The following HACD1 variants were observed in gnomAD, a reference collection of about 807,000 sequenced individuals.
HACD1 encodes the protein 3-hydroxyacyl-CoA dehydratase 1.
Under a neutral mutation model 32.0 loss-of-function variants are expected in HACD1, and 41 were observed. The observed-to-expected ratio is 1.28, with a 90% CI of 1.00 to 1.66. HACD1 has a LOEUF of 1.66. Ranked by LOEUF, HACD1 falls within the 40% of genes most tolerant of loss-of-function variation. HACD1 has a pLI of 0.00. For synonymous variants in HACD1, 142 were observed against 139.0 expected (o/e 1.02, Z -0.15); for missense variants, 396 against 380.1 (o/e 1.04, Z -0.35).
intron 4 of HACD1, among the ~76,000 whole-genome samples, chr10:17,602,363 G>A (rs1414664164): frequency 1.2e-4 from 18 of 151,904 alleles, no homozygotes; most frequent in Non-Finnish European, 1.5e-5. Context: ...GTGCCACCTC[G>A]CCCGGCCCTG....
At position 17,617,355 on chromosome 10, in the gene HACD1, G is replaced by T; in HGVS notation, c.-16C>A. On this transcript the variant is annotated 5_prime_UTR_variant, in exon 1 of 7. Coordinates refer to ENST00000361271, the MANE Select transcript of HACD1 (RefSeq NM_014241.4). ...GGCGCCCCATGTGCAGCGCGCAGGG[G>T]GCTCGGCGCAGCCAGCTCTACCGAC... The T allele has an allele frequency of 7.4e-7, 1 of 1,352,482 alleles. No individual in the cohort carries two copies. Among genetic ancestry groups the T allele is most frequent in the Non-Finnish European group, 9.4e-7 (1 of 1,058,316 alleles). The allele number at this position is 1,352,482 out of a possible 1,614,324, so 83.8% of individuals were successfully genotyped here. A position where few individuals can be genotyped will look rare whatever the true frequency, so the allele number is the denominator to read the frequency against.
At chr10:17,607,715 TATC>T (rs1296641746) in intron 1 of HACD1, among the ~76,000 whole-genome samples, 4 of 152,160 alleles carry the variant, frequency 2.6e-5, no homozygotes, top group Non-Finnish European at 4.4e-5. Context: ...CCTAGCATAG[TATC>T]ATGATCGTGC....
At chr10:17,616,775 G>A (rs890861149) in intron 1 of HACD1, among the ~76,000 whole-genome samples, 3 of 151,900 alleles carry the variant, frequency 2.0e-5, no homozygotes, top group East Asian at 3.9e-4. Flanking sequence ...CAACAGCAGC[G>A]AAGGCAGCGG....
intron 5 of HACD1, among the ~76,000 whole-genome samples, chr10:17,598,751 T>TA (rs1834028448): frequency 6.6e-6 from 1 of 152,190 alleles, no homozygotes; most frequent in African/African-American, 2.4e-5. Context: ...TCTTTTCCTT[T>TA]AAAAACTGTT....
In HACD1 at chr10:17,616,578, C is replaced by T. The variant is rs1726529787; in HGVS notation, c.257+505G>A. On this transcript the variant is annotated intron_variant, in intron 1 of 6. Coordinates refer to ENST00000361271, the MANE Select transcript of HACD1 (RefSeq NM_014241.4). ...AAAGATGCTGGGCAGGAGCTCCACG[C>T]TGGGATAAGTGGGGTGGTTATTTCA... 2.0e-5 allele frequency among the ~76,000 whole-genome samples: 3 copies of T among 150,630 alleles called. No homozygotes were observed. The South Asian group carries it at 6.3e-4, about 32-fold the overall frequency.
intron 5 of HACD1, 140 bp downstream of exon 5, chr10:17,599,150 T>G: frequency 1.5e-6 from 2 of 1,308,098 alleles, no homozygotes; most frequent in East Asian, 2.6e-5. Flanking sequence ...ACTTGTATAA[T>G]TATTAGTTAT....
intron 5 of HACD1, 67 bp downstream of exon 5, chr10:17,599,223 T>C (rs1554816255): frequency 6.3e-7 from 1 of 1,576,288 alleles, no homozygotes; most frequent in East Asian, 2.3e-5. Context: ...ATTTTAATTC[T>C]CTGGCGTTAG....
At chr10:17,593,224 C>T (rs1376065961) in intron 6 of HACD1, among the ~76,000 whole-genome samples, 3 of 152,042 alleles carry the variant, frequency 2.0e-5, no homozygotes, top group African/African-American at 2.4e-5. Flanking sequence ...AAGTTTTATG[C>T]GCATCTCCTT....
intron 5 of HACD1, among the ~76,000 whole-genome samples, chr10:17,597,757 C>T (rs1206411193): frequency 1.3e-5 from 2 of 152,122 alleles, no homozygotes; most frequent in Non-Finnish European, 2.9e-5. Flanking sequence ...AAACTGCCAA[C>T]CTTTAAAAAG....
intron 5 of HACD1, 184 bp downstream of exon 5, chr10:17,599,106 C>T: frequency 9.2e-7 from 1 of 1,086,962 alleles, no homozygotes; most frequent in Non-Finnish European, 1.2e-6. Flanking sequence ...TACGATTCCT[C>T]TCTCATCATT....
At chr10:17,609,915 A>G (rs1245869947) in intron 1 of HACD1, among the ~76,000 whole-genome samples, 1 of 150,834 alleles carries the variant, frequency 6.6e-6, no homozygotes, top group Non-Finnish European at 1.5e-5. Context: ...ATCCGCAGGC[A>G]GAGGTTGCAG....
chr10:17,591,783 C>A (rs74933797), intron 6 of HACD1, among the ~76,000 whole-genome samples: 2,564 of 95,938 alleles, frequency 0.027, 70 homozygotes, highest in African/African-American at 0.072. Context: ...GATAAAAAGT[C>A]TTTCTATTTA....
intron 1 of HACD1, among the ~76,000 whole-genome samples, chr10:17,613,234 A>G (rs957052281): frequency 6.6e-6 from 1 of 151,442 alleles, no homozygotes; most frequent in African/African-American, 2.4e-5. Flanking sequence ...CAGTCTCCTG[A>G]GTAGCTGGGA....
intron 4 of HACD1, chr10:17,603,179 C>T (rs552528712): frequency 5.8e-5 from 10 of 172,048 alleles, no homozygotes; most frequent in South Asian, 4.4e-4. Flanking sequence ...TGGGCCACTG[C>T]GGCTGGCCAG....
intron 5 of HACD1, among the ~76,000 whole-genome samples, chr10:17,597,875 CA>C (rs1834014742): frequency 6.6e-6 from 1 of 152,090 alleles, no homozygotes; most frequent in African/African-American, 2.4e-5. Flanking sequence ...CACTTAAGCT[CA>C]AATTATAATT....
chr10:17,611,588 A>G (rs1183846820), intron 1 of HACD1, among the ~76,000 whole-genome samples: 1 of 152,258 alleles, frequency 6.6e-6, no homozygotes, highest in Non-Finnish European at 1.5e-5. Context: ...ATTTATATAT[A>G]CGGGCACAAA....
At chr10:17,603,405 G>T in intron 4 of HACD1, 155 bp downstream of exon 4, 1 of 626,158 alleles carries the variant, frequency 1.6e-6, no homozygotes, top group Non-Finnish European at 2.7e-6. Flanking sequence ...TTCTGCTAAG[G>T]CACTAAGTCA....
At chr10:17,603,533 A>G (rs779346748) in intron 4 of HACD1, 27 bp downstream of exon 4, 57 of 1,549,956 alleles carry the variant, frequency 3.7e-5, no homozygotes, top group Non-Finnish European at 4.9e-5. Flanking sequence ...TGCAGGCTCA[A>G]GTAGACAACA....
chr10:17,612,483 T>G (rs1832999224), intron 1 of HACD1, among the ~76,000 whole-genome samples: 1 of 152,154 alleles, frequency 6.6e-6, no homozygotes, highest in African/African-American at 2.4e-5. Context: ...GCATTGCGAA[T>G]AAGTAAAATA....
Sources: gnomAD v4.1 joint callset for allele counts (sites outside exome capture counted in the v4.1 genomes callset) on GRCh38, gnomAD v4.1.1 for gene constraint, MANE v1.5 for transcripts, NCBI Gene and HGNC (gene_info 2026-07-23, HGNC 2026-07-21) for gene names.